The following TENM1 variants were observed in gnomAD, a reference collection of about 807,000 sequenced individuals.
TENM1 encodes the protein teneurin-1.
TENM1 carries 35 observed loss-of-function variants against 174.8 expected under a neutral mutation model. The ratio of observed to expected loss-of-function variants is 0.20; its 90% confidence interval spans 0.15 to 0.27. TENM1 has a LOEUF of 0.27. Ranked by LOEUF, TENM1 falls within the 10% of genes least tolerant of loss-of-function variation. The pLI is 1.00. For missense variants in TENM1, 1,633 were observed against 2,130.1 expected, an observed-to-expected ratio of 0.77 and a Z score of 4.59; for synonymous variants, 781 against 798.7, an observed-to-expected ratio of 0.98 and a Z score of 0.37.
At chrX:125,130,072 TTA>T in the TENM1 span, among the ~76,000 whole-genome samples, 2 of 111,654 alleles carry the variant, frequency 1.8e-5, no homozygotes, top group Non-Finnish European at 3.8e-5. Flanking sequence ...CAGATAATTT[TTA>T]TATATCTCAA....
chrX:124,458,588 AAC>A (rs965695099), intron 22 of TENM1, among the ~76,000 whole-genome samples: 4 of 112,837 alleles, frequency 3.5e-5, no homozygotes, highest in African/African-American at 9.7e-5. Context: ...AAAGAACATA[AAC>A]ACAAATTAAA....
At chrX:124,747,725 G>C (rs1026274654) in intron 3 of TENM1, among the ~76,000 whole-genome samples, 11 of 109,859 alleles carry the variant, frequency 1.0e-4, no homozygotes, top group African/African-American at 3.6e-4. Context: ...GTTTCTCAGA[G>C]AGACTTCTTG....
chrX:124,428,159 A>G (rs940488892), intron 23 of TENM1, among the ~76,000 whole-genome samples: 1 of 112,044 alleles, frequency 8.9e-6, no homozygotes, highest in Non-Finnish European at 1.9e-5. Context: ...GAATGTGCCT[A>G]TCTCCCAACA....
At chrX:124,482,019 G>T in intron 21 of TENM1, 55 bp from the exon 25 acceptor site, 1 of 779,821 alleles carries the variant, frequency 1.3e-6, no homozygotes, top group Non-Finnish European at 1.9e-6. Flanking sequence ...CGAACCCCCT[G>T]GGCTCAGCCT....
chrX:125,064,824 G>T, the TENM1 span, among the ~76,000 whole-genome samples: 1 of 110,891 alleles, frequency 9.0e-6, no homozygotes, highest in Non-Finnish European at 1.9e-5. Context: ...AGCCAGGATG[G>T]TCTCGATCTC....
At chrX:125,122,638 A>G in the TENM1 span, among the ~76,000 whole-genome samples, 2 of 109,952 alleles carry the variant, frequency 1.8e-5, no homozygotes, top group Non-Finnish European at 3.8e-5. Context: ...CTTTCCATGC[A>G]TTATACTATT....
At chrX:125,084,821 C>T in the TENM1 span, among the ~76,000 whole-genome samples, 1 of 111,264 alleles carries the variant, frequency 9.0e-6, no homozygotes, top group Middle Eastern at 4.6e-3. Flanking sequence ...ACTAGGGATA[C>T]AGCAGAGGAC....
intron 3 of TENM1, among the ~76,000 whole-genome samples, chrX:124,812,271 TTGTC>T (rs1187128731): frequency 1.8e-5 from 2 of 111,189 alleles, no homozygotes; most frequent in African/African-American, 6.5e-5. Context: ...AAATATAATT[TTGTC>T]TGTCAATTTG....
the TENM1 span, among the ~76,000 whole-genome samples, chrX:125,071,036 G>T: frequency 9.0e-6 from 1 of 111,190 alleles, no homozygotes; most frequent in Admixed American, 9.6e-5. Context: ...ACCCCAATTT[G>T]CCTTCCTTTT....
At chrX:125,033,717 C>CTT in the TENM1 span, among the ~76,000 whole-genome samples, 2 of 103,557 alleles carry the variant, frequency 1.9e-5, no homozygotes, top group African/African-American at 6.9e-5. Context: ...TGCAGATTTG[C>CTT]TTTTTTTTTT....
intron 3 of TENM1, among the ~76,000 whole-genome samples, chrX:124,836,284 A>G (rs1481869506): frequency 1.8e-5 from 2 of 111,216 alleles, no homozygotes; most frequent in Non-Finnish European, 1.9e-5. Context: ...TTTTGCTGTT[A>G]GTGTCTAAAC....
Position 124,582,541 on chromosome X carries a change from T to C in TENM1, c.2078-16981A>G, listed in dbSNP as rs779921733. Among the ~76,000 whole-genome samples, 4 of 111,935 alleles carry C rather than the reference T, an allele frequency of 3.6e-5. No homozygotes were observed. In the South Asian group the frequency reaches 1.1e-3, roughly 32 times the overall value. ...GATTTGGCTCTCAGCTTGAACATTATTGGTATATAGAAATGCTACTTATTG... is the reference window on the plus strand; with the variant it reads ...GATTTGGCTCTCAGCTTGAACATTACTGGTATATAGAAATGCTACTTATTG... On this transcript the variant is annotated intron_variant, in intron 11 of 31. Coordinates refer to ENST00000422452, the Ensembl canonical transcript of TENM1.
chrX:124,840,131 C>T (rs1368090558), intron 3 of TENM1, among the ~76,000 whole-genome samples: 4 of 111,684 alleles, frequency 3.6e-5, no homozygotes, highest in African/African-American at 1.3e-4. Context: ...TTAAAATATA[C>T]TTCTTTTCTT....
Position 124,615,955 on chromosome X carries a change from G to T in TENM1, c.2077+25836C>A, listed in dbSNP as rs146551948. On this transcript the variant is annotated intron_variant, in intron 11 of 31. Coordinates refer to ENST00000422452, the Ensembl canonical transcript of TENM1. ...ACACTCAGATCTGAACCAGCCACTG[G>T]TGGGGTCACACACACACACAAAAAC... 3.2e-3 allele frequency among the ~76,000 whole-genome samples: 365 copies of T among 112,363 alleles called. 1 individual carries two copies. Among genetic ancestry groups the T allele is most frequent in the African/African-American group, 0.011 (346 of 30,970 alleles).
At chrX:125,120,808 T>C in the TENM1 span, among the ~76,000 whole-genome samples, 1 of 111,082 alleles carries the variant, frequency 9.0e-6, no homozygotes, top group African/African-American at 3.3e-5. Context: ...CTTGCTATTA[T>C]TATTCTACTC....
intron 4 of TENM1, among the ~76,000 whole-genome samples, chrX:124,705,473 A>G (rs1483439087): frequency 9.0e-6 from 1 of 110,809 alleles, no homozygotes; most frequent in African/African-American, 3.3e-5. Flanking sequence ...GACCTTTAAG[A>G]AACAGGCCTT....
intron 28 of TENM1, among the ~76,000 whole-genome samples, chrX:124,390,983 C>T (rs2060276312): frequency 8.9e-6 from 1 of 112,116 alleles, no homozygotes; most frequent in Non-Finnish European, 1.9e-5. Flanking sequence ...GCCCTGGCTC[C>T]CAAGTGAACT....
intron 19 of TENM1, among the ~76,000 whole-genome samples, chrX:124,500,580 T>G (rs2047307365): frequency 8.9e-6 from 1 of 111,780 alleles, no homozygotes; most frequent in Non-Finnish European, 1.9e-5. Context: ...TGCTAAGGAT[T>G]GGGTATCTTG....
chrX:125,144,741 A>ATT, the TENM1 span, among the ~76,000 whole-genome samples: 5 of 94,849 alleles, frequency 5.3e-5, no homozygotes, highest in African/African-American at 1.3e-4. Flanking sequence ...GGTGCTCATA[A>ATT]TTTTTTTTTT....
Sources: allele counts gnomAD v4.1 joint callset (sites outside exome capture counted in the v4.1 genomes callset), GRCh38; gene constraint gnomAD v4.1.1; transcripts MANE v1.5; gene names NCBI Gene and HGNC (gene_info 2026-07-23, HGNC 2026-07-21).